ABCC1: variants seen among roughly 807,000 people sequenced by gnomAD.
ABCC1 encodes the protein ATP binding cassette subfamily C member 1 (ABCC1 blood group).
ABCC1 carries 83 observed loss-of-function variants against 172.9 expected under a neutral mutation model. The ratio of observed to expected loss-of-function variants is 0.48; its 90% CI spans 0.40 to 0.58. The LOEUF (loss-of-function observed/expected upper bound fraction) is 0.58. Among genes scored for constraint, ABCC1 ranks in the 20% least tolerant of loss-of-function variants. ABCC1 has a pLI of 0.00. For missense variants in ABCC1, 1,817 were observed against 2,002.7 expected (o/e 0.91, Z 1.77); for synonymous variants, 937 against 825.2 (o/e 1.14, Z -2.32).
chr16:16,125,018 C>G, intron 25 of ABCC1, 103 bp downstream of exon 25: 1 of 1,542,326 alleles, frequency 6.5e-7, no homozygotes, highest in Admixed American at 1.7e-5. Flanking sequence ...GGGAGAGGAA[C>G]TTGAGAGGTA....
At chr16:16,108,794 C>T (rs997314477) in intron 21 of ABCC1, among the ~76,000 whole-genome samples, 3 of 151,750 alleles carry the variant, frequency 2.0e-5, no homozygotes, top group Non-Finnish European at 4.4e-5. Context: ...GATGAGGTTT[C>T]GCCCTGTCGC....
intron 28 of ABCC1, among the ~76,000 whole-genome samples, chr16:16,135,778 A>T (rs539711823): frequency 6.6e-6 from 1 of 152,132 alleles, no homozygotes; most frequent in East Asian, 1.9e-4. Context: ...TTCTAGACCA[A>T]TCCCCGCAGG....
In ABCC1 at chr16:16,138,501, A is replaced by G; in HGVS notation, c.4430A>G (p.Glu1477Gly). The change falls in exon 30 of 31, where the codon GAG becomes GGG. Residue 1477 changes from glutamate (E) to glycine (G), a missense_variant. Around this residue, in one of 3 missense-constraint regions of ABCC1, gnomAD observed 1,412 missense variants for 1,600.3 expected, o/e 0.88. Transcript: ENST00000399410. ...LIQSTIRTQF[E>G]DCTVLTIAHR... is the part of the protein sequence containing the mutation. ...CAGTCCACCATCCGGACACAGTTCG[A>G]GGACTGCACCGTCCTCACCATCGCC... The G allele has an allele frequency of 6.2e-7, 1 of 1,612,448 alleles. No homozygotes were observed. Among genetic ancestry groups the G allele is most frequent in the Non-Finnish European group, 8.5e-7 (1 of 1,178,702 alleles).
chr16:16,100,246 C>T (rs1015491714), intron 19 of ABCC1, among the ~76,000 whole-genome samples: 15 of 152,174 alleles, frequency 9.9e-5, no homozygotes, highest in East Asian at 9.6e-4. Flanking sequence ...ACAGCCTTAG[C>T]GAGCACTGCA....
chr16:15,975,346 G>T (rs948646948), intron 1 of ABCC1, among the ~76,000 whole-genome samples: 5 of 151,986 alleles, frequency 3.3e-5, no homozygotes, highest in African/African-American at 4.8e-5. Context: ...AGTTCTCCTG[G>T]TTTTTTGCTG....
chr16:16,105,674 G>C (rs904765002), intron 20 of ABCC1, among the ~76,000 whole-genome samples: 15 of 150,886 alleles, frequency 9.9e-5, no homozygotes, highest in Non-Finnish European at 2.2e-4. Context: ...AGCCGCAGCT[G>C]TGTTTTGCAT....
intron 5 of ABCC1, among the ~76,000 whole-genome samples, chr16:16,025,926 C>G (rs2048353442): frequency 6.6e-6 from 1 of 152,210 alleles, no homozygotes; most frequent in Admixed American, 6.5e-5. Flanking sequence ...ATTTCAGTGT[C>G]TGAGGCTGGG....
chr16:16,048,396 T>C (rs1427496386), intron 10 of ABCC1, 93 bp downstream of exon 10: 4 of 1,429,098 alleles, frequency 2.8e-6, no homozygotes, highest in Admixed American at 1.9e-5. Flanking sequence ...GGTAATGGCA[T>C]GTAGAGCTCC....
chr16:16,133,704 C>G (rs536052531), intron 27 of ABCC1, among the ~76,000 whole-genome samples: 14 of 152,196 alleles, frequency 9.2e-5, no homozygotes, highest in Non-Finnish European at 1.6e-4. Flanking sequence ...GTGCCCCAGC[C>G]CTTGTTGAGT....
At chr16:16,076,269 T>C (rs1363217025) in intron 14 of ABCC1, 57 bp from the exon 15 acceptor site, 1 of 1,532,504 alleles carries the variant, frequency 6.5e-7, no homozygotes, top group Non-Finnish European at 9.0e-7. Flanking sequence ...GAGAGTGTTC[T>C]GTGCATGTGG....
intron 27 of ABCC1, among the ~76,000 whole-genome samples, chr16:16,132,531 TTTTTTTTTG>T: frequency 7.5e-6 from 1 of 132,992 alleles, no homozygotes. Flanking sequence ...TTTTTTTTTT[TTTTTTTTTG>T]AGATGGAGTC....
chr16:16,138,714 C>CTTTTTT (rs397973927), intron 30 of ABCC1, among the ~76,000 whole-genome samples, 156 bp downstream of exon 30: 6 of 129,686 alleles, frequency 4.6e-5, no homozygotes, highest in African/African-American at 5.9e-5. Context: ...CCAGCTATTT[C>CTTTTTT]TTTTTTTTTT....
chr16:15,959,328 CTTTCTTT>C (rs968591022), intron 1 of ABCC1, among the ~76,000 whole-genome samples: 2 of 151,888 alleles, frequency 1.3e-5, no homozygotes, highest in Admixed American at 1.3e-4. Context: ...TTTTCTTTTT[CTTTCTTT>C]TTTCTTTTGA....
chr16:16,089,035 G>A (rs1483951776), intron 18 of ABCC1, among the ~76,000 whole-genome samples: 1 of 152,164 alleles, frequency 6.6e-6, no homozygotes, highest in Non-Finnish European at 1.5e-5. Context: ...GTCTACAGCT[G>A]CTTCAACTCG....
chr16:16,039,207 TTTTG>T (rs1404052884), intron 7 of ABCC1, among the ~76,000 whole-genome samples: 5 of 130,410 alleles, frequency 3.8e-5, no homozygotes, highest in African/African-American at 6.8e-5. Flanking sequence ...CCGAGGAAGC[TTTTG>T]TGTGTGTGTG....
chr16:16,074,301 G>C (rs1041921623), intron 14 of ABCC1, among the ~76,000 whole-genome samples: 62 of 152,290 alleles, frequency 4.1e-4, no homozygotes, highest in African/African-American at 1.4e-3. Flanking sequence ...CGTGGCCCAA[G>C]TGGATGCTGG....
intron 24 of ABCC1, among the ~76,000 whole-genome samples, chr16:16,124,315 CTGTGTGTGTGTGTGTGTGTGTG>C (rs11270322): frequency 1.1e-4 from 4 of 36,800 alleles, no homozygotes; most frequent in African/African-American, 3.5e-4. Flanking sequence ...TGTTAATGCA[CTGTGTGTGTGTGTGTGTGTGTG>C]TGTGTGTGTG....
At chr16:16,131,388 G>A (rs1016281515) in intron 26 of ABCC1, among the ~76,000 whole-genome samples, 3 of 152,014 alleles carry the variant, frequency 2.0e-5, no homozygotes, top group Non-Finnish European at 2.9e-5. Context: ...GTTCATAAAT[G>A]TGTGTTGAAC....
chr16:15,993,351 G>C (rs2046940334), intron 1 of ABCC1, among the ~76,000 whole-genome samples: 1 of 152,152 alleles, frequency 6.6e-6, no homozygotes, highest in Non-Finnish European at 1.5e-5. Context: ...GAACCCTCCT[G>C]ATAACTCTCT....
Sources: gnomAD v4.1 joint callset for allele counts (sites outside exome capture counted in the v4.1 genomes callset) on GRCh38, gnomAD v4.1.1 for gene constraint, gnomAD v4.1.1 regional missense constraint, MANE v1.5 for transcripts, NCBI Gene and HGNC (gene_info 2026-07-23, HGNC 2026-07-21) for gene names.